Variants in APLP1 observed in about 807,000 individuals in gnomAD.
APLP1 encodes the protein amyloid beta (A4) precursor-like protein 1.
A neutral mutation model predicts 84.5 loss-of-function variants in APLP1; 46 were observed. The ratio of observed to expected loss-of-function variants is 0.54; its 90% CI spans 0.43 to 0.70. The LOEUF is 0.70. Among genes scored for constraint, APLP1 ranks in the 30% least tolerant of loss-of-function variants. APLP1 has a pLI of 0.00. For missense variants in APLP1, 826 were observed against 900.2 expected (o/e 0.92, Z 1.05); for synonymous variants, 376 against 364.0 (o/e 1.03, Z -0.38).
Position 35,874,516 on chromosome 19 carries a change from A to C in APLP1, c.1069A>C (p.Ile357Leu). The C allele has an allele frequency of 6.2e-7, 1 of 1,614,108 alleles. No individual in the cohort carries two copies. The highest frequency in any genetic ancestry group is 8.5e-7 in the Non-Finnish European group (1 of 1,180,010). The change falls in exon 9 of 17, where the codon ATT (isoleucine) becomes CTT (leucine). Residue 357 changes from isoleucine to leucine, a missense_variant. By Grantham distance (5) the Ile-to-Leu change is conservative. Transcript: ENST00000221891. The surrounding 1 kb of genome is among the most constrained non-coding windows in gnomAD (Gnocchi z 6.4). ...ACCCGCTCCCCAGCACTTCCAGTCC[A>C]TTCTGCAGACTCTGGAGGAGCAGGT... is the stretch of plus-strand genomic sequence containing the variant. ...RQALNEHFQS[I>L]LQTLEEQVSG...
intron 1 of APLP1, chr19:35,869,309 A>G: frequency 1.9e-6 from 1 of 530,620 alleles, no homozygotes; most frequent in Non-Finnish European, 3.3e-6. Flanking sequence ...CGGGAGCCTG[A>G]GCAAGGGATG....
intron 2 of APLP1, 108 bp from the exon 3 acceptor site, chr19:35,870,788 G>A: frequency 8.0e-7 from 1 of 1,244,872 alleles, no homozygotes; most frequent in South Asian, 1.7e-5. Flanking sequence ...CCGTCTCAAA[G>A]AAAGAAAGAA....
chr19:35,875,055 A>G lies in APLP1; in HGVS notation c.1344+186A>G, dbSNP rs1974248272. On this transcript the variant is annotated intron_variant, in intron 10 of 16. Transcript: ENST00000221891. ...CTGACCCTGAAACATGGACCCTCAC[A>G]TGCTGTGTCTTTGACCCCTGCTTCT... is the stretch of plus-strand genomic sequence containing the variant. Among the ~76,000 whole-genome samples, 7 of 150,524 alleles carry G rather than the reference A, an allele frequency of 4.7e-5. No individual in the cohort carries two copies. The South Asian group carries it at 1.5e-3, about 32-fold the overall frequency.
At chr19:35,869,516 T>G in intron 1 of APLP1, 151 bp from the exon 2 acceptor site, 1 of 1,114,422 alleles carries the variant, frequency 9.0e-7, no homozygotes, top group Non-Finnish European at 1.3e-6. Flanking sequence ...ACGGGAGCTG[T>G]TTCCCAGGGA....
At chr19:35,869,255 T>C in intron 1 of APLP1, 1 of 486,326 alleles carries the variant, frequency 2.1e-6, no homozygotes, top group Non-Finnish European at 3.6e-6. Context: ...TGTCCAGGAC[T>C]GTAGGCCCCT....
intron 10 of APLP1, 38 bp from the exon 11 acceptor site, chr19:35,876,479 C>T (rs1306473402): frequency 6.5e-7 from 1 of 1,545,854 alleles, no homozygotes; most frequent in Non-Finnish European, 8.9e-7. Flanking sequence ...CTCCAGCCTG[C>T]ATTGCGCAGT....
rs759202625 is a variant in APLP1 at position 35,869,720 on chromosome 19, G to A, written c.201G>A (p.Arg67=). ...TATGCGGGCGCCTAACCCTTCACCG[G>A]GACCTGCGCACCGGCCGCTGGGAAC... is the stretch of plus-strand genomic sequence containing the variant. ...AGLCGRLTLH[R]DLRTGRWEPD... is the part of the protein sequence containing the mutation. Residue 67 remains arginine, a synonymous_variant, in exon 2 of 17, where the codon CGG becomes CGA. Transcript: ENST00000221891. The A allele has an allele frequency of 2.5e-6, 4 of 1,611,800 alleles. No homozygotes were observed. Among genetic ancestry groups the A allele is most frequent in the Non-Finnish European group, 3.4e-6 (4 of 1,179,524 alleles).
intron 1 of APLP1, 159 bp from the exon 2 acceptor site, chr19:35,869,508 G>A (rs539408042): frequency 9.7e-7 from 1 of 1,029,890 alleles, no homozygotes; most frequent in Non-Finnish European, 1.4e-6. Flanking sequence ...CCCGCCCTAC[G>A]GGAGCTGTTT....
In APLP1 at chr19:35,873,674, C is replaced by G; in HGVS notation, c.1017C>G (p.Ser339=). The G allele has an allele frequency of 6.2e-7, 1 of 1,614,098 alleles. No individual in the cohort carries two copies. The highest frequency in any genetic ancestry group is 8.5e-7 in the Non-Finnish European group (1 of 1,180,008). ...AATGGGCCATGGCAGACAACCAGTC[C>G]AAGAACCTGCCTAAAGCCGACAGAC... ...MREWAMADNQ[S]KNLPKADRQA... Residue 339 remains serine, a synonymous_variant, in exon 8 of 17, where the codon TCC becomes TCG. Transcript: ENST00000221891.
At position 35,877,835 on chromosome 19, in the gene APLP1, C is replaced by A; in HGVS notation, c.1552+10C>A. 6.2e-7 allele frequency: 1 copy of A among 1,600,426 alleles called. No individual in the cohort carries two copies. Among genetic ancestry groups the A allele is most frequent in the Non-Finnish European group, 8.5e-7 (1 of 1,171,168 alleles). ...CCAGATTCCAAGGATGGTGAGTGAG[C>A]CCACATATAGATGACCCCAGACATT... On this transcript the variant is annotated intron_variant, in intron 12 of 16. Transcript: ENST00000221891.
chr19:35,876,395 T>C (rs1270481109), intron 10 of APLP1, 122 bp from the exon 11 acceptor site: 1 of 801,026 alleles, frequency 1.2e-6, no homozygotes, highest in African/African-American at 1.7e-5. Flanking sequence ...GTACCACACA[T>C]CCTGTCCATT....
intron 10 of APLP1, among the ~76,000 whole-genome samples, 175 bp from the exon 11 acceptor site, chr19:35,876,342 T>C (rs1217649579): frequency 6.6e-6 from 1 of 152,210 alleles, no homozygotes; most frequent in Non-Finnish European, 1.5e-5. Flanking sequence ...CCTTGGACTT[T>C]ATTCTTCAAT....
At chr19:35,869,627 C>T in intron 1 of APLP1, 40 bp from the exon 2 acceptor site, 1 of 1,605,902 alleles carries the variant, frequency 6.2e-7, no homozygotes, top group Non-Finnish European at 8.5e-7. Context: ...CTCATGCCAA[C>T]GCCCCCCGAG....
At position 35,869,697 on chromosome 19, in the gene APLP1, T is replaced by C. The variant is rs1381791087; in HGVS notation, c.178T>C (p.Cys60Arg). ...APGSAQVAGL[C>R]GRLTLHRDLR... ...GGGGTCGGCCCAGGTGGCTGGACTA[T>C]GCGGGCGCCTAACCCTTCACCGGGA... is the stretch of plus-strand genomic sequence containing the variant. The change falls in exon 2 of 17, where the codon TGC (cysteine) becomes CGC (arginine). Residue 60 changes from cysteine (C) to arginine (R), a missense_variant. By Grantham distance (180) the Cys-to-Arg change is radical. Transcript: ENST00000221891. 6.2e-7 allele frequency: 1 copy of C among 1,611,870 alleles called. No individual in the cohort carries two copies. The highest frequency in any genetic ancestry group is 8.5e-7 in the Non-Finnish European group (1 of 1,179,370).
Position 35,874,807 on chromosome 19 carries a change from C to T in APLP1, c.1282C>T (p.Leu428=), listed in dbSNP as rs3907232. 57 of 1,612,904 alleles carry T rather than the reference C, an allele frequency of 3.5e-5. No homozygotes were observed. The African/African-American group carries it at 5.9e-4, about 17-fold the overall frequency. Residue 428 remains leucine, a synonymous_variant, in exon 10 of 17, where the codon CTG becomes TTG. Transcript: ENST00000221891. The surrounding 1 kb of genome is among the most constrained non-coding windows in gnomAD (Gnocchi z 6.4). ...GGAGCAGAAGGAACAGAGGCACACG[C>T]TGCGCCACTACCAGCATGTGGCCGC... ...RAEQKEQRHT[L]RHYQHVAAVD...
chr19:35,872,995 G>T (rs940183233), intron 7 of APLP1, among the ~76,000 whole-genome samples: 7 of 152,106 alleles, frequency 4.6e-5, no homozygotes, highest in African/African-American at 1.4e-4. Flanking sequence ...GAGTAGCTGG[G>T]ATTACAGGCA....
chr19:35,875,568 C>T (rs1568476810), intron 10 of APLP1, among the ~76,000 whole-genome samples: 1 of 152,152 alleles, frequency 6.6e-6, no homozygotes, highest in East Asian at 1.9e-4. Context: ...AGGTGATCCA[C>T]CCTTGGCCTC....
rs749557613 is a variant in APLP1 at position 35,876,580 on chromosome 19, AACCCCC to A, written c.1412_1417del (p.Pro471_His472del). The A allele has an allele frequency of 1.8e-4, 294 of 1,613,386 alleles. No homozygotes were observed. Among genetic ancestry groups the A allele is most frequent in the Non-Finnish European group, 2.4e-4 (283 of 1,179,774 alleles). The stretch of plus-strand genomic sequence containing the variant: ...TCAGAGCCTGGGCCTGCTTGACCAG[AACCCCC>A]ACCTGGCTCAGGAGCTGCGGCCCCA... On this transcript the variant is annotated inframe_deletion, in exon 11 of 17. Transcript: ENST00000221891.
intron 4 of APLP1, 102 bp downstream of exon 4, chr19:35,871,451 C>T: frequency 3.0e-6 from 4 of 1,343,622 alleles, no homozygotes; most frequent in Non-Finnish European, 4.2e-6. Flanking sequence ...CACCAGCATC[C>T]TCTTCGCACT....
Sources: gnomAD v4.1 joint callset for allele counts (sites outside exome capture counted in the v4.1 genomes callset) on GRCh38, gnomAD v4.1.1 for gene constraint, Gnocchi (gnomAD v3.1) non-coding constraint, MANE v1.5 for transcripts, NCBI Gene and HGNC (gene_info 2026-07-23, HGNC 2026-07-21) for gene names.